The following GTPBP8 variants were observed in gnomAD, a reference collection of about 807,000 sequenced individuals.
GTPBP8 encodes the protein GTP binding protein 8.
A neutral mutation model predicts 27.3 loss-of-function variants in GTPBP8; 21 were observed. The ratio of observed to expected loss-of-function variants is 0.77; its 90% CI spans 0.55 to 1.11. The LOEUF is 1.11. GTPBP8 is among the 50% of genes least tolerant of loss of function. GTPBP8 has a pLI of 0.00. For missense variants in GTPBP8, 380 were observed against 350.8 expected (o/e 1.08, Z -0.67); for synonymous variants, 147 against 135.3 (o/e 1.09, Z -0.60).
chr3:112,993,147 G>A (rs1933716941), intron 2 of GTPBP8, 23 bp downstream of exon 2: 2 of 1,159,546 alleles, frequency 1.7e-6, no homozygotes, highest in South Asian at 2.5e-5. Flanking sequence ...TTTTAAATAT[G>A]TTTGGACTAT....
chr3:112,993,273 C>T, intron 2 of GTPBP8, 149 bp downstream of exon 2: 1 of 575,842 alleles, frequency 1.7e-6, no homozygotes, highest in Non-Finnish European at 3.1e-6. Context: ...CATCCTAATG[C>T]CTGTGTATTC....
At position 112,991,335 on chromosome 3, in the gene GTPBP8, G is replaced by C. The variant is rs1195886884; in HGVS notation, c.336G>C (p.Glu112Asp). 1 of 1,613,192 alleles carries C rather than the reference G, an allele frequency of 6.2e-7. No individual in the cohort carries two copies. Among genetic ancestry groups the C allele is most frequent in the Non-Finnish European group, 8.5e-7 (1 of 1,179,728 alleles). The stretch of plus-strand genomic sequence containing the variant: ...ACGCCCCGGACCTTCCGCGGCCAGA[G>C]GTGAGAGGCGATTCTCACGGTTCAC... ...IDHAPDLPRP[E>D]VCFIGRSNVG... Residue 112 changes from glutamate to aspartate, a missense_variant and splice_region_variant, in exon 1 of 6, where the codon GAG (glutamate) becomes GAC (aspartate). Physicochemically the swap from Glu to Asp is conservative, Grantham distance 45 (BLOSUM62 2). Transcript: ENST00000383678.
Position 112,995,145 on chromosome 3 carries a change from A to G in GTPBP8, c.446A>G (p.Lys149Arg), listed in dbSNP as rs148441248. The stretch of plus-strand genomic sequence containing the variant: ...TATTTACTTTATCAGGGACACACAA[A>G]GAAAATGAATTTTTTCAAAGTTGGA... ...VRVSKKPGHT[K>R]KMNFFKVGKH... The change falls in exon 3 of 6, where the codon AAG becomes AGG. Residue 149 changes from lysine (K) to arginine (R), a missense_variant. Lys to Arg is a conservative substitution (Grantham distance 26). Transcript: ENST00000383678. 3.8e-3 allele frequency: 6,024 copies of G among 1,600,064 alleles called. 19 individuals are homozygous for G. Among genetic ancestry groups the G allele is most frequent in the Non-Finnish European group, 4.5e-3 (5,237 of 1,173,568 alleles).
At chr3:112,999,600 G>A (rs1189675240) in intron 5 of GTPBP8, 36 bp downstream of exon 5, 4 of 826,358 alleles carry the variant, frequency 4.8e-6, no homozygotes, top group Non-Finnish European at 7.9e-6. Flanking sequence ...TGTTTTTTAT[G>A]AAGTAATCTT....
chr3:112,998,229 T>C (rs1467240801), intron 4 of GTPBP8, among the ~76,000 whole-genome samples: 1 of 152,044 alleles, frequency 6.6e-6, no homozygotes, highest in Non-Finnish European at 1.5e-5. Flanking sequence ...GAGGATTCAG[T>C]CCCCAAGACG....
In GTPBP8 at chr3:112,993,122, C is replaced by A. The variant is rs754004325; in HGVS notation, c.433C>A (p.Pro145Thr). Reference sequence around the variant, plus strand: ...GGTTGAAGTCAGAGTCTCCAAAAAACCAGTATGTTGAAGTTTTTAAATATG... The same window carrying A: ...GGTTGAAGTCAGAGTCTCCAAAAAAACAGTATGTTGAAGTTTTTAAATATG... ...PEVEVRVSKK[P>T]GHTKKMNFFK... The change falls in exon 2 of 6, where the codon CCA (proline) becomes ACA (threonine). Residue 145 changes from proline (P) to threonine (T), a missense_variant and splice_region_variant. Pro to Thr is a conservative substitution (Grantham distance 38). Transcript: ENST00000383678. The A allele has an allele frequency of 5.8e-6, 9 of 1,543,300 alleles. No homozygotes were observed. The highest frequency in any genetic ancestry group is 2.3e-5 in the East Asian group (1 of 44,406).
chr3:112,991,428 T>C (rs1385657241), intron 1 of GTPBP8, 93 bp downstream of exon 1: 1 of 1,126,530 alleles, frequency 8.9e-7, no homozygotes, highest in African/African-American at 1.5e-5. Flanking sequence ...TTTGCGGTTG[T>C]ATTTTCTAGC....
In GTPBP8 at chr3:112,991,072, C is replaced by T. The variant is rs1194491563; in HGVS notation, c.73C>T (p.Arg25Cys). ...GCCTGCGGTGCTAGAGCGACTGAGC[C>T]GCTATAATAGCACGTCCCAAGCTTT... is the stretch of plus-strand genomic sequence containing the variant. ...EMPAVLERLSRYNSTSQAFAE... is the reference protein window; with the variant it reads ...EMPAVLERLSCYNSTSQAFAE... The change falls in exon 1 of 6, where the codon CGC becomes TGC. Residue 25 changes from arginine to cysteine, a missense_variant. By Grantham distance (180) the Arg-to-Cys change is radical. Transcript: ENST00000383678. 1 of 1,613,906 alleles carries T rather than the reference C, an allele frequency of 6.2e-7. No individual in the cohort carries two copies. Among genetic ancestry groups the T allele is most frequent in the Non-Finnish European group, 8.5e-7 (1 of 1,179,948 alleles).
chr3:112,997,210 T>C (rs764783444), intron 4 of GTPBP8, among the ~76,000 whole-genome samples: 1 of 152,224 alleles, frequency 6.6e-6, no homozygotes, highest in Non-Finnish European at 1.5e-5. Flanking sequence ...TTGAAAATTA[T>C]AGTCAAAGTA....
intron 5 of GTPBP8, 89 bp from the exon 6 acceptor site, chr3:113,000,761 C>T (rs1933885328): frequency 2.6e-6 from 2 of 760,700 alleles, no homozygotes; most frequent in Non-Finnish European, 4.4e-6. Flanking sequence ...TATATGAAAT[C>T]ATAAGAATTT....
At position 113,001,336 on chromosome 3, in the gene GTPBP8, A is replaced by G. The variant is rs1307552460; in HGVS notation, c.*417A>G. 6.5e-6 allele frequency: 1 copy of G among 153,134 alleles called. No homozygotes were observed. Among genetic ancestry groups the G allele is most frequent in the Non-Finnish European group, 1.5e-5 (1 of 68,768 alleles). 9.5% of individuals were successfully genotyped at this position (153,134 alleles called of 1,614,324 possible). ...GGGGCTGCTTTTCTGTTAAGCATCGATAGGTAAGTTGATGGATAAAAGTTA... is the reference window on the plus strand; with the variant it reads ...GGGGCTGCTTTTCTGTTAAGCATCGGTAGGTAAGTTGATGGATAAAAGTTA... On this transcript the variant is annotated 3_prime_UTR_variant, in exon 6 of 6. Coordinates refer to ENST00000383678, the MANE Select transcript of GTPBP8 (RefSeq NM_014170.4).
At position 113,000,850 on chromosome 3, in the gene GTPBP8, T is replaced by C. The variant is rs763571192; in HGVS notation, c.786T>C (p.Ser262=). The C allele has an allele frequency of 1.3e-6, 2 of 1,576,544 alleles. No individual in the cohort carries two copies. Among genetic ancestry groups the C allele is most frequent in the Non-Finnish European group, 1.7e-6 (2 of 1,148,542 alleles). Residue 262 remains serine (S), a splice_region_variant and synonymous_variant, in exon 6 of 6, where the codon AGT becomes AGC. Transcript: ENST00000383678. The part of the protein sequence containing the change: ...QGCFPQLFPV[S]AVTFSGIHLL... ...AATTATTTCTCTTTTCTTTTCACAG[T>C]GCTGTGACCTTTTCTGGAATCCACC...
chr3:112,994,061 A>G (rs1933738061), intron 2 of GTPBP8, among the ~76,000 whole-genome samples: 1 of 152,186 alleles, frequency 6.6e-6, no homozygotes. Context: ...ACTTAAAATC[A>G]CCATTTATAA....
rs1414149606 is a variant in GTPBP8 at position 112,991,480 on chromosome 3, G to T, written c.336+145G>T. ...TATTATTTTAACTCAATAGGCATAT[G>T]TCGATGCTCCCTGTACGTGGGGATA... On this transcript the variant is annotated intron_variant, in intron 1 of 5. Coordinates refer to ENST00000383678, the MANE Select transcript of GTPBP8 (RefSeq NM_014170.4). 6 of 760,062 alleles carry T rather than the reference G, an allele frequency of 7.9e-6. No homozygotes were observed. The East Asian group carries it at 1.3e-4, about 17-fold the overall frequency. The allele number at this position is 760,062 out of a possible 1,614,324, so 47.1% of individuals were successfully genotyped here.
chr3:112,991,521 G>T (rs1223659277), intron 1 of GTPBP8, 186 bp downstream of exon 1: 1 of 713,488 alleles, frequency 1.4e-6, no homozygotes, highest in Non-Finnish European at 2.5e-6. Flanking sequence ...GAAACCCATT[G>T]TTAAGTACAA....
Position 112,995,182 on chromosome 3 carries a change from A to T in GTPBP8, c.483A>T (p.Thr161=). The T allele has an allele frequency of 6.2e-7, 1 of 1,606,242 alleles. No homozygotes were observed. The highest frequency in any genetic ancestry group is 1.3e-5 in the African/African-American group (1 of 74,814). ...MNFFKVGKHF[T]VVDMPGYGFR... ...TTTTCAAAGTTGGAAAACATTTTAC[A>T]GTGGTGGACATGCCAGGTTATGGCT... The change falls in exon 3 of 6, where the codon ACA becomes ACT. Residue 161 remains threonine, a synonymous_variant. Coordinates refer to ENST00000383678, the MANE Select transcript of GTPBP8 (RefSeq NM_014170.4).
chr3:112,992,912 C>A, intron 1 of GTPBP8, 114 bp from the exon 2 acceptor site: 1 of 588,334 alleles, frequency 1.7e-6, no homozygotes, highest in South Asian at 2.5e-5. Context: ...TAGTACCTGG[C>A]ACATTTAATT....
At chr3:112,995,744 CCA>C (rs1933773345) in intron 3 of GTPBP8, among the ~76,000 whole-genome samples, 1 of 152,116 alleles carries the variant, frequency 6.6e-6, no homozygotes, top group Admixed American at 6.5e-5. Flanking sequence ...ACTGTGTTGG[CCA>C]GGCTGGTCTC....
At chr3:112,993,513 C>T (rs959278001) in intron 2 of GTPBP8, among the ~76,000 whole-genome samples, 9 of 152,124 alleles carry the variant, frequency 5.9e-5, no homozygotes, top group African/African-American at 1.7e-4. Context: ...GTATAAAGTA[C>T]GTGATTAGTT....
Sources: gnomAD v4.1 joint callset for allele counts (sites outside exome capture counted in the v4.1 genomes callset) on GRCh38, gnomAD v4.1.1 for gene constraint, MANE v1.5 for transcripts, NCBI Gene and HGNC (gene_info 2026-07-23, HGNC 2026-07-21) for gene names.